The following BOP1 variants were observed in gnomAD, a reference collection of about 807,000 sequenced individuals.
The protein encoded by BOP1 is BOP1 ribosomal biogenesis factor.
A neutral mutation model predicts 82.9 loss-of-function variants in BOP1; 54 were observed. The observed-to-expected ratio is 0.65, with a 90% CI of 0.52 to 0.82. BOP1 has a LOEUF of 0.82. Among genes scored for constraint, BOP1 ranks in the 40% least tolerant of loss-of-function variants. The pLI, the probability that BOP1 is intolerant of heterozygous loss-of-function variation, is 0.00. For synonymous variants in BOP1, 566 were observed against 451.1 expected (o/e 1.25, Z -3.23); for missense variants, 1,170 against 1,072.0 (o/e 1.09, Z -1.28).
Position 144,264,509 on chromosome 8 carries a change from C to G in BOP1, c.765+6G>C. The G allele has an allele frequency of 6.2e-7, 1 of 1,609,006 alleles. No homozygotes were observed. ...CAGGCCAAGCCCCAGGGGCTGTGTG[C>G]CCCACCTTCTCCTTCTCCACCAGGG... On this transcript the variant is annotated splice_donor_region_variant and intron_variant, in intron 6 of 15. Coordinates refer to ENST00000569669, the MANE Select transcript of BOP1 (RefSeq NM_015201.5).
intron 3 of BOP1, 60 bp downstream of exon 3, chr8:144,276,164 C>T: frequency 1.3e-6 from 2 of 1,593,188 alleles, no homozygotes; most frequent in Non-Finnish European, 1.7e-6. Context: ...CCCCCAGCAC[C>T]TGCTAGGCTG....
intron 2 of BOP1, among the ~76,000 whole-genome samples, chr8:144,282,660 G>C (rs1845702978): frequency 6.6e-6 from 1 of 152,084 alleles, no homozygotes; most frequent in Non-Finnish European, 1.5e-5. Context: ...GGAAGGAAGG[G>C]GGAGGTACAG....
chr8:144,287,104 G>A (rs565625550), intron 2 of BOP1, among the ~76,000 whole-genome samples: 5 of 152,216 alleles, frequency 3.3e-5, no homozygotes, highest in Non-Finnish European at 7.3e-5. Flanking sequence ...CCGCCTCCCA[G>A]GTTCAAGTGA....
chr8:144,275,574 G>A (rs1205462637), intron 3 of BOP1, among the ~76,000 whole-genome samples: 2 of 152,050 alleles, frequency 1.3e-5, no homozygotes, highest in Admixed American at 6.5e-5. Flanking sequence ...ATCCCCCTTC[G>A]CCTGCAAGCT....
chr8:144,264,182 G>A (rs1280466814), intron 7 of BOP1, 40 bp from the exon 8 acceptor site: 18 of 1,609,146 alleles, frequency 1.1e-5, no homozygotes, highest in Non-Finnish European at 1.5e-5. Flanking sequence ...GGGTCACAGG[G>A]AAGCATGGGG....
In BOP1 at chr8:144,265,087, A is replaced by C. The variant is rs1845330036; in HGVS notation, c.391-16T>G. 1 of 1,602,624 alleles carries C rather than the reference A, an allele frequency of 6.2e-7. No individual in the cohort carries two copies. The highest frequency in any genetic ancestry group is 1.3e-5 in the African/African-American group (1 of 74,676). On this transcript the variant is annotated splice_polypyrimidine_tract_variant and intron_variant, in intron 3 of 15. Transcript: ENST00000569669. ...TCCGGATGTCCTGCAGCCGGGGGCCACCATGTCGGCATCTGATCCTACAAG... is the reference window on the plus strand; with the variant it reads ...TCCGGATGTCCTGCAGCCGGGGGCCCCCATGTCGGCATCTGATCCTACAAG...
intron 3 of BOP1, chr8:144,266,666 A>G: frequency 8.0e-7 from 1 of 1,254,220 alleles, no homozygotes; most frequent in Admixed American, 3.0e-5. Context: ...CTGTACCCCG[A>G]GGTGAGCCCG....
chr8:144,277,971 T>G (rs67876041), intron 2 of BOP1, among the ~76,000 whole-genome samples: 1 of 151,908 alleles, frequency 6.6e-6, no homozygotes, highest in Admixed American at 6.5e-5. Flanking sequence ...CAACGGAACA[T>G]GAGCCCACGC....
At chr8:144,290,338 CAA>C (rs11353637) in intron 1 of BOP1, among the ~76,000 whole-genome samples, 6 of 126,100 alleles carry the variant, frequency 4.8e-5, no homozygotes, top group Non-Finnish European at 1.7e-5. Flanking sequence ...GGCTCTGTCT[CAA>C]AAAAAAAAAA....
chr8:144,283,846 G>A (rs782171928), intron 2 of BOP1, among the ~76,000 whole-genome samples: 1 of 152,170 alleles, frequency 6.6e-6, no homozygotes, highest in Non-Finnish European at 1.5e-5. Context: ...GGCCAGGTGC[G>A]GCGGCTCACG....
intron 1 of BOP1, 103 bp from the exon 2 acceptor site, chr8:144,289,407 C>T: frequency 1.6e-6 from 2 of 1,243,214 alleles, no homozygotes; most frequent in Non-Finnish European, 2.3e-6. Context: ...CCACCAGCAG[C>T]TCCATGTGGC....
intron 2 of BOP1, among the ~76,000 whole-genome samples, chr8:144,278,127 G>A (rs1037832294): frequency 3.9e-5 from 6 of 152,222 alleles, no homozygotes; most frequent in Non-Finnish European, 7.3e-5. Context: ...CGAGAGTTGC[G>A]TGAGGGTGAA....
chr8:144,272,315 T>C (rs1465817654), intron 3 of BOP1, among the ~76,000 whole-genome samples: 1 of 152,030 alleles, frequency 6.6e-6, no homozygotes, highest in Non-Finnish European at 1.5e-5. Context: ...AAAATCTCAT[T>C]CTGGAGACTT....
chr8:144,278,291 G>C (rs1845606123), intron 2 of BOP1, among the ~76,000 whole-genome samples: 1 of 152,014 alleles, frequency 6.6e-6, no homozygotes. Flanking sequence ...GGCTGCTGTA[G>C]TCCCTGAACC....
chr8:144,283,410 C>T (rs1456731079), intron 2 of BOP1, among the ~76,000 whole-genome samples: 1 of 152,230 alleles, frequency 6.6e-6, no homozygotes, highest in South Asian at 2.1e-4. Context: ...TGGATGATGC[C>T]GCCACAGGGA....
chr8:144,280,386 G>C (rs1280844768), intron 2 of BOP1, among the ~76,000 whole-genome samples: 2 of 152,316 alleles, frequency 1.3e-5, no homozygotes, highest in East Asian at 3.9e-4. Flanking sequence ...CCAGCAGACG[G>C]CACCAGCACC....
At chr8:144,270,526 C>CCGCT (rs1554837662) in intron 3 of BOP1, among the ~76,000 whole-genome samples, 1 of 152,142 alleles carries the variant, frequency 6.6e-6, no homozygotes, top group Admixed American at 6.5e-5. Flanking sequence ...GCCAGCCCAG[C>CCGCT]CGCTCCCTGA....
intron 2 of BOP1, among the ~76,000 whole-genome samples, chr8:144,278,464 G>A (rs587603894): frequency 5.9e-5 from 9 of 152,312 alleles, no homozygotes; most frequent in East Asian, 5.8e-4. Flanking sequence ...CAGCCAGGCC[G>A]TGCCCCACTG....
chr8:144,282,197 T>C (rs1356658715), intron 2 of BOP1, among the ~76,000 whole-genome samples: 2 of 152,308 alleles, frequency 1.3e-5, no homozygotes, highest in East Asian at 3.9e-4. Flanking sequence ...GCTTCCTCCC[T>C]GGCTGGTCAG....
Sources: allele counts gnomAD v4.1 joint callset (sites outside exome capture counted in the v4.1 genomes callset), GRCh38; gene constraint gnomAD v4.1.1; transcripts MANE v1.5; gene names NCBI Gene and HGNC (gene_info 2026-07-23, HGNC 2026-07-21).